The following EPHA5 variants were observed in gnomAD, a reference collection of about 807,000 sequenced individuals.
The protein encoded by EPHA5 is EPH receptor A5, also known as ephrin type-A receptor 5.
EPHA5 carries 60 observed loss-of-function variants against 105.0 expected under a neutral mutation model. The observed-to-expected ratio is 0.57, with a 90% CI of 0.46 to 0.71. The LOEUF (loss-of-function observed/expected upper bound fraction) is 0.71, where lower values mean the gene tolerates loss of function less well. EPHA5 is among the 30% of genes least tolerant of loss of function. The pLI is 0.00. For missense variants in EPHA5, 1,218 were observed against 1,274.7 expected (o/e 0.96, Z 0.68); for synonymous variants, 513 against 449.1 (o/e 1.14, Z -1.80).
chr4:65,633,869 T>G (rs879465728), intron 2 of EPHA5, among the ~76,000 whole-genome samples: 2 of 151,884 alleles, frequency 1.3e-5, no homozygotes, highest in African/African-American at 4.8e-5. Flanking sequence ...AAAAGCAATC[T>G]AAAGAAGAAA....
At chr4:65,612,201 G>A (rs549405318) in intron 2 of EPHA5, among the ~76,000 whole-genome samples, 20 of 152,006 alleles carry the variant, frequency 1.3e-4, no homozygotes, top group Non-Finnish European at 2.5e-4. Context: ...TGGATATACT[G>A]CATAGTGGTG....
intron 5 of EPHA5, among the ~76,000 whole-genome samples, chr4:65,481,583 T>C (rs780708223): frequency 2.0e-5 from 3 of 152,224 alleles, no homozygotes; most frequent in Admixed American, 6.5e-5. Context: ...ATATTCTTTC[T>C]GACCAAATCT....
intron 5 of EPHA5, among the ~76,000 whole-genome samples, chr4:65,460,011 T>C (rs1332968885): frequency 6.6e-6 from 1 of 151,722 alleles, no homozygotes; most frequent in East Asian, 1.9e-4. Flanking sequence ...TAATCTACCC[T>C]TAATATTAAA....
chr4:65,375,230 C>A (rs1182560058), intron 8 of EPHA5, among the ~76,000 whole-genome samples: 9 of 151,634 alleles, frequency 5.9e-5, no homozygotes, highest in African/African-American at 2.2e-4. Flanking sequence ...GGGGTCTTTC[C>A]ATGAAGACTG....
In EPHA5 at chr4:65,319,634, T is replaced by G. The variant is rs2148765612; in HGVS notation, c.*4480A>C. On this transcript the variant is annotated 3_prime_UTR_variant, in exon 17 of 17. Coordinates refer to ENST00000613740, the MANE Select transcript of EPHA5 (RefSeq NM_001281766.3). ...CATATCTTACACTACAAAAAGCATG[T>G]ACACAAACCAAATGCACATAAAGAT... 1 of 219,314 alleles carries G rather than the reference T, an allele frequency of 4.6e-6. No homozygotes were observed. The highest frequency in any genetic ancestry group is 9.2e-6 in the Non-Finnish European group (1 of 109,204). The allele number at this position is 219,314 out of a possible 1,614,324, so 13.6% of individuals were successfully genotyped here.
At chr4:65,620,705 G>T (rs1182805372) in intron 2 of EPHA5, among the ~76,000 whole-genome samples, 1 of 152,160 alleles carries the variant, frequency 6.6e-6, no homozygotes, top group Non-Finnish European at 1.5e-5. Context: ...AATAAAGGCA[G>T]ATCATGGTCT....
At chr4:65,350,255 C>G (rs1722690319) in intron 13 of EPHA5, among the ~76,000 whole-genome samples, 1 of 152,026 alleles carries the variant, frequency 6.6e-6, no homozygotes, top group East Asian at 1.9e-4. Context: ...AAGGATATCC[C>G]CCTAAATACT....
intron 1 of EPHA5, among the ~76,000 whole-genome samples, chr4:65,652,607 A>G (rs79762073): frequency 0.036 from 5,522 of 152,178 alleles, 328 homozygotes; most frequent in African/African-American, 0.13. Context: ...ACTCGCCCCA[A>G]CGTTTGACTG....
At chr4:65,517,899 T>G (rs1453905929) in intron 3 of EPHA5, among the ~76,000 whole-genome samples, 4 of 152,002 alleles carry the variant, frequency 2.6e-5, no homozygotes, top group Non-Finnish European at 5.9e-5. Context: ...CATTAAAGAT[T>G]CTACTTTTAG....
chr4:65,562,694 A>G (rs1413693337), intron 3 of EPHA5, among the ~76,000 whole-genome samples: 1 of 152,104 alleles, frequency 6.6e-6, no homozygotes, highest in African/African-American at 2.4e-5. Flanking sequence ...TACAATTCTC[A>G]AAAGGCAAGA....
intron 3 of EPHA5, among the ~76,000 whole-genome samples, chr4:65,503,908 T>TATAC (rs761957815): frequency 4.8e-5 from 7 of 145,356 alleles, no homozygotes; most frequent in Non-Finnish European, 1.1e-4. Context: ...ATGTGTGTGA[T>TATAC]ACACACACAC....
chr4:65,612,690 C>T (rs1227189925), intron 2 of EPHA5, among the ~76,000 whole-genome samples: 1 of 152,072 alleles, frequency 6.6e-6, no homozygotes, highest in Admixed American at 6.6e-5. Flanking sequence ...CTTTCTTTTG[C>T]AAAATATCTG....
chr4:65,333,629 T>TTG (rs1349580555), intron 15 of EPHA5, among the ~76,000 whole-genome samples: 1 of 149,092 alleles, frequency 6.7e-6, no homozygotes, highest in Non-Finnish European at 1.5e-5. Flanking sequence ...TTTTTTTTTT[T>TTG]TTTTCCTGAC....
At chr4:65,338,662 A>G (rs1721413666) in intron 14 of EPHA5, among the ~76,000 whole-genome samples, 1 of 152,140 alleles carries the variant, frequency 6.6e-6, no homozygotes, top group South Asian at 2.1e-4. Context: ...GGTCCAGGTA[A>G]TTAGGTCATG....
chr4:65,367,937 C>T (rs1416915503), intron 8 of EPHA5, among the ~76,000 whole-genome samples: 1 of 151,944 alleles, frequency 6.6e-6, no homozygotes, highest in African/African-American at 2.4e-5. Flanking sequence ...CTATGAAATT[C>T]ACCACAACTT....
intron 3 of EPHA5, among the ~76,000 whole-genome samples, chr4:65,576,054 GAAA>G (rs1740931136): frequency 3.3e-4 from 27 of 81,584 alleles, no homozygotes; most frequent in African/African-American, 1.3e-3. Flanking sequence ...AAGAAAGAAA[GAAA>G]GAAAAGAAAA....
chr4:65,472,654 G>C (rs11131595), intron 5 of EPHA5, among the ~76,000 whole-genome samples: 53,215 of 152,050 alleles, frequency 0.35, 10,888 homozygotes, highest in South Asian at 0.48. Context: ...GCACCTTTTA[G>C]CCACAGCTGG....
At chr4:65,324,321 AT>A in intron 16 of EPHA5, 102 bp from the exon 17 acceptor site, 2 of 705,680 alleles carry the variant, frequency 2.8e-6, no homozygotes, top group Non-Finnish European at 4.9e-6. Flanking sequence ...CACTAGTTAG[AT>A]TACAGTCCTA....
At chr4:65,365,689 A>ATATATATATATATATATT (rs765636669) in intron 10 of EPHA5, among the ~76,000 whole-genome samples, 1,096 of 93,674 alleles carry the variant, frequency 0.012, 175 homozygotes, top group Non-Finnish European at 0.019. Flanking sequence ...ATATATATAT[A>ATATATATATATATATATT]GTGAAACATT....
Sources: allele counts gnomAD v4.1 joint callset (sites outside exome capture counted in the v4.1 genomes callset), GRCh38; gene constraint gnomAD v4.1.1; transcripts MANE v1.5; gene names NCBI Gene and HGNC (gene_info 2026-07-23, HGNC 2026-07-21).